FSTL5: variants seen among roughly 807,000 people sequenced by gnomAD.
The protein encoded by FSTL5 is follistatin-related protein 5.
In FSTL5, 62 loss-of-function variants were observed where a neutral mutation model predicts 89.1. That is an observed-to-expected ratio of 0.70 (90% CI 0.57 to 0.86). The LOEUF is 0.86. Among genes scored for constraint, FSTL5 ranks in the 40% least tolerant of loss-of-function variants. FSTL5 has a pLI of 0.00. For missense variants in FSTL5, 1,057 were observed against 1,001.6 expected (o/e 1.06, Z -0.75); for synonymous variants, 383 against 346.2 (o/e 1.11, Z -1.18).
chr4:161,888,060 C>T (rs1732870417), intron 4 of FSTL5, among the ~76,000 whole-genome samples: 1 of 91,096 alleles, frequency 1.1e-5, no homozygotes, highest in Non-Finnish European at 2.5e-5. Flanking sequence ...TTTATAAAGG[C>T]CTCTTCCCTT....
intron 4 of FSTL5, among the ~76,000 whole-genome samples, chr4:161,783,848 C>A (rs1283562061): frequency 2.0e-5 from 3 of 149,232 alleles, no homozygotes; most frequent in Non-Finnish European, 4.4e-5. Context: ...TCACTGCAAC[C>A]TCTGCCCCTT....
chr4:161,743,118 TA>T (rs1482525842), intron 6 of FSTL5, among the ~76,000 whole-genome samples: 1 of 152,182 alleles, frequency 6.6e-6, no homozygotes, highest in African/African-American at 2.4e-5. Context: ...TTTGTTGTTA[TA>T]GCCCATAAAA....
At chr4:161,855,239 G>C (rs2126884761) in intron 4 of FSTL5, among the ~76,000 whole-genome samples, 1 of 152,060 alleles carries the variant, frequency 6.6e-6, no homozygotes, top group South Asian at 2.1e-4. Flanking sequence ...TGTAAACATA[G>C]GGCAATACTG....
chr4:161,599,721 T>C (rs1156905584), intron 7 of FSTL5, among the ~76,000 whole-genome samples: 1 of 152,104 alleles, frequency 6.6e-6, no homozygotes, highest in Non-Finnish European at 1.5e-5. Flanking sequence ...GCAATGTGTG[T>C]ATATGGCCAT....
intron 6 of FSTL5, among the ~76,000 whole-genome samples, chr4:161,749,789 CA>C (rs199662552): frequency 2.6e-4 from 37 of 139,804 alleles, no homozygotes; most frequent in African/African-American, 5.4e-4. Flanking sequence ...GAGACTCCGT[CA>C]AAAAAAAAAT....
intron 2 of FSTL5, among the ~76,000 whole-genome samples, chr4:162,092,790 A>T (rs978993732): frequency 2.0e-5 from 3 of 151,670 alleles, no homozygotes; most frequent in Admixed American, 2.0e-4. Flanking sequence ...CTCTACTAAA[A>T]ATGCAAAAAT....
chr4:161,994,362 T>C (rs1736226174), intron 3 of FSTL5, among the ~76,000 whole-genome samples: 1 of 152,186 alleles, frequency 6.6e-6, no homozygotes, highest in Non-Finnish European at 1.5e-5. Context: ...CATGCATGTA[T>C]GGTAGAATGA....
intron 8 of FSTL5, among the ~76,000 whole-genome samples, chr4:161,562,716 C>G (rs966751289): frequency 6.6e-6 from 1 of 151,438 alleles, no homozygotes; most frequent in Admixed American, 6.6e-5. Flanking sequence ...TAAAATGTAC[C>G]CTGTTACTGC....
chr4:161,403,577 A>AC (rs1205105029), intron 15 of FSTL5, among the ~76,000 whole-genome samples: 1 of 152,168 alleles, frequency 6.6e-6, no homozygotes. Context: ...TTATAAGAAA[A>AC]ATAATTCAGG....
intron 4 of FSTL5, among the ~76,000 whole-genome samples, chr4:161,854,540 G>C (rs1731661097): frequency 6.6e-6 from 1 of 152,100 alleles, no homozygotes; most frequent in African/African-American, 2.4e-5. Flanking sequence ...TGTGTGATGG[G>C]GTTTTGATTA....
intron 15 of FSTL5, among the ~76,000 whole-genome samples, chr4:161,428,203 C>G (rs967598061): frequency 6.6e-6 from 1 of 152,192 alleles, no homozygotes; most frequent in Non-Finnish European, 1.5e-5. Flanking sequence ...TTTCATCCAT[C>G]CCAGGGGTCA....
intron 6 of FSTL5, among the ~76,000 whole-genome samples, chr4:161,757,679 C>T (rs1228211297): frequency 2.6e-5 from 4 of 152,030 alleles, no homozygotes; most frequent in South Asian, 2.1e-4. Context: ...AGTGCAATTG[C>T]GTGATCTTGG....
At chr4:161,995,691 ATAAT>A (rs1272712178) in intron 3 of FSTL5, among the ~76,000 whole-genome samples, 4 of 152,122 alleles carry the variant, frequency 2.6e-5, no homozygotes, top group South Asian at 2.1e-4. Flanking sequence ...TAATTAATAA[ATAAT>A]TAATTTCTGT....
intron 4 of FSTL5, among the ~76,000 whole-genome samples, chr4:161,858,309 C>G (rs369308729): frequency 2.0e-5 from 3 of 152,190 alleles, no homozygotes; most frequent in South Asian, 4.2e-4. Flanking sequence ...TATAAGCCAC[C>G]CAGGCTATGG....
intron 7 of FSTL5, among the ~76,000 whole-genome samples, chr4:161,650,247 G>A (rs748406039): frequency 1.6e-4 from 24 of 152,104 alleles, no homozygotes; most frequent in African/African-American, 2.2e-4. Flanking sequence ...TTTGATCCTG[G>A]TGGTATAAGC....
chr4:161,621,307 A>ACACACAC (rs1560983262), intron 7 of FSTL5, among the ~76,000 whole-genome samples: 2 of 126,654 alleles, frequency 1.6e-5, no homozygotes, highest in African/African-American at 5.8e-5. Context: ...CACACACACA[A>ACACACAC]ACACAAAATT....
intron 3 of FSTL5, among the ~76,000 whole-genome samples, chr4:161,998,767 T>A (rs1736375441): frequency 6.6e-6 from 1 of 152,110 alleles, no homozygotes; most frequent in Non-Finnish European, 1.5e-5. Context: ...AGGTCATTGA[T>A]GTCTCCTGCT....
At chr4:161,427,139 T>C (rs1051850154) in intron 15 of FSTL5, among the ~76,000 whole-genome samples, 3 of 152,234 alleles carry the variant, frequency 2.0e-5, no homozygotes, top group African/African-American at 4.8e-5. Context: ...CAGATGTTAA[T>C]AAATTTCCTT....
At chr4:161,862,411 A>T (rs1731946367) in intron 4 of FSTL5, among the ~76,000 whole-genome samples, 1 of 152,182 alleles carries the variant, frequency 6.6e-6, no homozygotes. Context: ...TATTCAGTGT[A>T]GGCTGGAATG....
Sources: gnomAD v4.1 joint callset for allele counts (sites outside exome capture counted in the v4.1 genomes callset) on GRCh38, gnomAD v4.1.1 for gene constraint, MANE v1.5 for transcripts, NCBI Gene and HGNC (gene_info 2026-07-23, HGNC 2026-07-21) for gene names.